BSN: variants seen among roughly 807,000 people sequenced by gnomAD.
BSN encodes bassoon presynaptic cytomatrix protein.
Under a neutral mutation model 264.8 loss-of-function variants are expected in BSN, and 57 were observed. The ratio of observed to expected loss-of-function variants is 0.22; its 90% confidence interval spans 0.17 to 0.27. BSN has a LOEUF of 0.27. BSN is among the 10% of genes least tolerant of loss of function. The probability of loss-of-function intolerance (pLI) is 1.00; values close to 1 mark genes in which losing one functional copy is unlikely to be tolerated. For missense variants in BSN, 4,615 were observed against 5,232.5 expected, an observed-to-expected ratio of 0.88 and a Z score of 3.64; for synonymous variants, 2,059 against 2,137.3, an observed-to-expected ratio of 0.96 and a Z score of 1.01.
At chr3:49,605,178 T>C (rs1290746803) in intron 1 of BSN, among the ~76,000 whole-genome samples, 1 of 144,182 alleles carries the variant, frequency 6.9e-6, no homozygotes, top group Non-Finnish European at 1.5e-5. Flanking sequence ...GAGAATTGCT[T>C]GAACCTGGGA....
intron 1 of BSN, among the ~76,000 whole-genome samples, chr3:49,607,080 A>T (rs555981457): frequency 2.0e-5 from 3 of 152,258 alleles, no homozygotes; most frequent in Non-Finnish European, 4.4e-5. Context: ...GGACCTTTGC[A>T]TGAGCTTGGC....
chr3:49,599,829 CTTA>C (rs1255640970), intron 1 of BSN, among the ~76,000 whole-genome samples: 1 of 152,154 alleles, frequency 6.6e-6, no homozygotes, highest in African/African-American at 2.4e-5. Flanking sequence ...CTTATCAATT[CTTA>C]TTTACTCCAT....
intron 1 of BSN, among the ~76,000 whole-genome samples, chr3:49,595,487 C>A (rs1441348337): frequency 2.6e-5 from 4 of 151,930 alleles, no homozygotes; most frequent in Non-Finnish European, 4.4e-5. Flanking sequence ...CTGCGCCCGG[C>A]CTCACAATTT....
chr3:49,596,721 C>T (rs575247624), intron 1 of BSN, among the ~76,000 whole-genome samples: 5 of 152,190 alleles, frequency 3.3e-5, no homozygotes, highest in East Asian at 1.9e-4. Context: ...TAGTCACAGA[C>T]GTGATCATAG....
In BSN at chr3:49,657,974, C is replaced by T. The variant is rs762009641; in HGVS notation, c.8418C>T (p.Leu2806=). The part of the protein sequence containing the change: ...SPVSPLSPHR[L]LDTSFASSER... ...TCTCACCCCTGTCCCCTCACCGGCTCCTGGACACCTCCTTTGCTTCCAGTG... is the reference window on the plus strand; with the variant it reads ...TCTCACCCCTGTCCCCTCACCGGCTTCTGGACACCTCCTTTGCTTCCAGTG... Residue 2806 remains leucine (L), a synonymous_variant, in exon 5 of 12, where the codon CTC becomes CTT. Transcript: ENST00000296452. 1 of 1,611,904 alleles carries T rather than the reference C, an allele frequency of 6.2e-7. No individual in the cohort carries two copies. Among genetic ancestry groups the T allele is most frequent in the Non-Finnish European group, 8.5e-7 (1 of 1,178,492 alleles).
At position 49,655,101 on chromosome 3, in the gene BSN, C is replaced by T; in HGVS notation, c.5545C>T (p.Leu1849=). Residue 1849 remains leucine, a synonymous_variant, in exon 5 of 12, where the codon CTG becomes TTG. Transcript: ENST00000296452. The stretch of plus-strand genomic sequence containing the variant: ...GCCCCACCGGGCCACCCCTGCAGAG[C>T]TGCGGTCACATGCTCTGCCAGGTGC... ...AEPHRATPAE[L]RSHALPGARK... 3.1e-6 allele frequency: 5 copies of T among 1,612,778 alleles called. No individual in the cohort carries two copies. Among genetic ancestry groups the T allele is most frequent in the Non-Finnish European group, 4.2e-6 (5 of 1,179,910 alleles).
At chr3:49,626,212 C>T (rs1464373146) in intron 2 of BSN, among the ~76,000 whole-genome samples, 2 of 152,152 alleles carry the variant, frequency 1.3e-5, no homozygotes, top group East Asian at 3.9e-4. Flanking sequence ...TGCTGATTTC[C>T]TCCTACTCCT....
chr3:49,602,801 A>G (rs1321382643), intron 1 of BSN, among the ~76,000 whole-genome samples: 8 of 152,132 alleles, frequency 5.3e-5, no homozygotes, highest in Admixed American at 5.2e-4. Context: ...TGTTATGAGG[A>G]TGATTAACTG....
intron 1 of BSN, among the ~76,000 whole-genome samples, chr3:49,614,631 G>A (rs1476862487): frequency 6.6e-6 from 1 of 152,172 alleles, no homozygotes; most frequent in Non-Finnish European, 1.5e-5. Context: ...GTTTGGTTTT[G>A]TTCTACATCA....
chr3:49,664,705 T>C, intron 9 of BSN, 94 bp from the exon 10 acceptor site: 2 of 1,567,942 alleles, frequency 1.3e-6, no homozygotes, highest in Non-Finnish European at 1.8e-6. Flanking sequence ...TCTCTGCCCC[T>C]TGGGCTGAGC....
intron 1 of BSN, among the ~76,000 whole-genome samples, chr3:49,619,938 G>C (rs2052291139): frequency 6.6e-6 from 1 of 152,152 alleles, no homozygotes; most frequent in South Asian, 2.1e-4. Context: ...TAGGCCCTGG[G>C]ACACAGCTGT....
chr3:49,607,021 A>C (rs1324833545), intron 1 of BSN, among the ~76,000 whole-genome samples: 1 of 152,090 alleles, frequency 6.6e-6, no homozygotes. Context: ...TTACTCCCTC[A>C]GCAGGGCTGT....
At chr3:49,639,715 G>A (rs2108069867) in intron 2 of BSN, among the ~76,000 whole-genome samples, 1 of 152,336 alleles carries the variant, frequency 6.6e-6, no homozygotes, top group East Asian at 1.9e-4. Context: ...AGGCTGTCCA[G>A]GCTGTGGTTT....
Position 49,657,827 on chromosome 3 carries a change from A to T in BSN, c.8271A>T (p.Arg2757Ser). The T allele has an allele frequency of 6.2e-7, 1 of 1,606,948 alleles. No individual in the cohort carries two copies. The highest frequency in any genetic ancestry group is 8.5e-7 in the Non-Finnish European group (1 of 1,176,982). ...IQIVTPGPLG[R>S]FEKKKPDPLE... The stretch of plus-strand genomic sequence containing the variant: ...TCGTCACCCCAGGGCCTCTGGGCAG[A>T]TTTGAAAAAAAGAAGCCAGATCCCC... The change falls in exon 5 of 12, where the codon AGA becomes AGT. Residue 2757 changes from arginine (R) to serine (S), a missense_variant. By Grantham distance (110) the Arg-to-Ser change is moderately radical (BLOSUM62 -1). Transcript: ENST00000296452.
At position 49,670,214 on chromosome 3, in the gene BSN, A is replaced by AT. The variant is rs1394358893; in HGVS notation, c.*2729_*2730insT. On this transcript the variant is annotated 3_prime_UTR_variant, in exon 12 of 12. Transcript: ENST00000296452. ...TGAGCAAGGGCTGAGGGAAGCCATC[A>AT]CCTAACACCTCTGGCCACCCAGGAC... 2.0e-5 allele frequency: 3 copies of AT among 152,354 alleles called. No individual in the cohort carries two copies. The highest frequency in any genetic ancestry group is 6.5e-5 in the Admixed American group (1 of 15,282). 9.4% of individuals were successfully genotyped at this position (152,354 alleles called of 1,614,324 possible). A position where few individuals can be genotyped will look rare whatever the true frequency, so the allele number is the denominator to read the frequency against.
rs2052755858 is a variant in BSN at position 49,671,257 on chromosome 3, T to G, written c.*3772T>G. ...ACCCTGGAGAGTGGTGGCCACTCAATACCTTTTCCTCTAGCTTTCATGTCT... is the reference window on the plus strand; with the variant it reads ...ACCCTGGAGAGTGGTGGCCACTCAAGACCTTTTCCTCTAGCTTTCATGTCT... On this transcript the variant is annotated 3_prime_UTR_variant, in exon 12 of 12. Coordinates refer to ENST00000296452, the MANE Select transcript of BSN (RefSeq NM_003458.4). The surrounding 1 kb of genome is among the most constrained non-coding windows in gnomAD (Gnocchi z 4.1). 1 of 152,396 alleles carries G rather than the reference T, an allele frequency of 6.6e-6. No individual in the cohort carries two copies. The highest frequency in any genetic ancestry group is 2.4e-5 in the African/African-American group (1 of 41,412). The allele number at this position is 152,396 out of a possible 1,614,324, so 9.4% of individuals were successfully genotyped here.
chr3:49,661,184 C>T lies in BSN; in HGVS notation c.9339C>T (p.Arg3113=), dbSNP rs751165454. 1.5e-5 allele frequency: 24 copies of T among 1,613,542 alleles called. No homozygotes were observed. The highest frequency in any genetic ancestry group is 1.9e-5 in the Non-Finnish European group (22 of 1,180,038). The stretch of plus-strand genomic sequence containing the variant: ...GCCTGCCAAACCAGCAGGCTTTCCG[C>T]CCCACAGGCCACTATGCAGGCCAAA... ...EPGLPNQQAF[R]PTGHYAGQTP... is the part of the protein sequence containing the mutation. Residue 3113 remains arginine, a synonymous_variant, in exon 6 of 12, where the codon CGC becomes CGT. Transcript: ENST00000296452.
Position 49,656,177 on chromosome 3 carries a change from C to T in BSN, c.6621C>T (p.Pro2207=). 1 of 1,612,504 alleles carries T rather than the reference C, an allele frequency of 6.2e-7. No homozygotes were observed. Among genetic ancestry groups the T allele is most frequent in the Non-Finnish European group, 8.5e-7 (1 of 1,179,592 alleles). ...TINTPIAATL[P]ITTQPASVLR... ...ATACCCCAATTGCTGCAACACTGCC[C>T]ATCACCACCCAGCCTGCCTCAGTCC... Residue 2207 remains proline (P), a synonymous_variant, in exon 5 of 12, where the codon CCC becomes CCT. Transcript: ENST00000296452.
intron 5 of BSN, among the ~76,000 whole-genome samples, chr3:49,659,223 G>A (rs894975591): frequency 2.0e-5 from 3 of 152,108 alleles, no homozygotes; most frequent in South Asian, 2.1e-4. Context: ...GGCCATATAG[G>A]GGTGTGGGTG....
Sources: gnomAD v4.1 joint callset for allele counts (sites outside exome capture counted in the v4.1 genomes callset) on GRCh38, gnomAD v4.1.1 for gene constraint, Gnocchi (gnomAD v3.1) non-coding constraint, MANE v1.5 for transcripts, NCBI Gene and HGNC (gene_info 2026-07-23, HGNC 2026-07-21) for gene names.